Variants in MRPS7 observed in about 807,000 individuals in gnomAD.
MRPS7 encodes small ribosomal subunit protein uS7m.
MRPS7 carries 13 observed loss-of-function variants against 26.2 expected under a neutral mutation model. That is an observed-to-expected ratio of 0.50 (90% CI 0.32 to 0.79). The LOEUF is 0.79. Ranked by LOEUF, MRPS7 falls within the 30% of genes least tolerant of loss-of-function variation. MRPS7 has a pLI of 0.03. For missense variants in MRPS7, 318 were observed against 312.2 expected, an observed-to-expected ratio of 1.02 and a Z score of -0.14; for synonymous variants, 129 against 113.3, an observed-to-expected ratio of 1.14 and a Z score of -0.88.
chr17:75,262,520 G>T lies in MRPS7; in HGVS notation c.107G>T (p.Arg36Leu). 1.2e-6 allele frequency: 2 copies of T among 1,614,026 alleles called. No individual in the cohort carries two copies. The highest frequency in any genetic ancestry group is 8.5e-7 in the Non-Finnish European group (1 of 1,179,970). ...AGGCTAACTCAGGTGAGATGGAGCC[G>T]CTATAGTCCTGAATTCAAGGATCCC... is the stretch of plus-strand genomic sequence containing the variant. ...LPGLTQVRWSRYSPEFKDPLI... is the reference protein window; with the variant it reads ...LPGLTQVRWSLYSPEFKDPLI... Residue 36 changes from arginine to leucine, a missense_variant, in exon 2 of 5, where the codon CGC (arginine) becomes CTC (leucine). Transcript: ENST00000245539.
At chr17:75,265,162 C>T (rs2077464756) in intron 4 of MRPS7, among the ~76,000 whole-genome samples, 2 of 152,044 alleles carry the variant, frequency 1.3e-5, no homozygotes, top group African/African-American at 2.4e-5. Flanking sequence ...CCTCAGCCTC[C>T]CAAGTAGCTG....
intron 1 of MRPS7, 151 bp downstream of exon 1, chr17:75,262,134 C>A (rs1257509174): frequency 1.8e-5 from 17 of 948,454 alleles, no homozygotes; most frequent in South Asian, 3.2e-5. Flanking sequence ...CTGCGCCAAT[C>A]CGAAGGTTTA....
At chr17:75,264,514 T>C (rs1241900894) in intron 4 of MRPS7, 1 of 152,270 alleles carries the variant, frequency 6.6e-6, no homozygotes, top group Non-Finnish European at 1.5e-5. Flanking sequence ...GTTCTCCTTT[T>C]TCAATATCAA....
rs144385641 is a variant in MRPS7 at position 75,265,367 on chromosome 17, G to T, written c.508-335G>T. ...TTTTTTTTTAATATATGGAGACAGG[G>T]TCTTGTTATATTGACGAGGCTGGTC... On this transcript the variant is annotated intron_variant, in intron 4 of 4. Coordinates refer to ENST00000245539, the MANE Select transcript of MRPS7 (RefSeq NM_015971.4). Among the ~76,000 whole-genome samples, 407 of 151,670 alleles carry T rather than the reference G, an allele frequency of 2.7e-3. 3 individuals are homozygous for T. The highest frequency in any genetic ancestry group is 0.016 in the South Asian group (78 of 4,806).
intron 1 of MRPS7, 182 bp from the exon 2 acceptor site, chr17:75,262,315 C>T (rs1331882893): frequency 2.7e-6 from 2 of 740,160 alleles, no homozygotes; most frequent in African/African-American, 1.8e-5. Flanking sequence ...ACTTTACCCG[C>T]CTGCTTGGGG....
intron 3 of MRPS7, 168 bp downstream of exon 3, chr17:75,263,035 C>G: frequency 1.5e-6 from 1 of 678,856 alleles, no homozygotes; most frequent in East Asian, 2.8e-5. Context: ...GAGTCAGCAA[C>G]TGCCATTCCT....
rs1045564385 is a variant in MRPS7, at chr17:75,265,903, G to A, written c.709G>A (p.Ala237Thr). ...HKMAEANRAL[A>T]HYRWW ...GATGGCAGAGGCCAACCGTGCCCTG[G>A]CCCACTACCGCTGGTGGTAGAGTCT... Residue 237 changes from alanine to threonine, a missense_variant, in exon 5 of 5, where the codon GCC (alanine) becomes ACC (threonine). Physicochemically the swap from Ala to Thr is moderately conservative, Grantham distance 58. Coordinates refer to ENST00000245539, the MANE Select transcript of MRPS7 (RefSeq NM_015971.4). 6.2e-7 allele frequency: 1 copy of A among 1,613,740 alleles called. No individual in the cohort carries two copies. Among genetic ancestry groups the A allele is most frequent in the Non-Finnish European group, 8.5e-7 (1 of 1,179,944 alleles).
In MRPS7 at chr17:75,263,402, G is replaced by A; in HGVS notation, c.402G>A (p.Gln134=). ...EKYHAASAEE[Q]ATIERNPYTI... ...ACCATGCCGCTTCTGCAGAGGAACA[G>A]GCAACCATCGAACGCAACCCCTACA... is the stretch of plus-strand genomic sequence containing the variant. The change falls in exon 4 of 5, where the codon CAG becomes CAA. Residue 134 remains glutamine (Q), a synonymous_variant. Transcript: ENST00000245539. The A allele has an allele frequency of 6.2e-7, 1 of 1,614,098 alleles. No individual in the cohort carries two copies. Among genetic ancestry groups the A allele is most frequent in the Non-Finnish European group, 8.5e-7 (1 of 1,180,024 alleles).
rs774900439 is a variant in MRPS7 at position 75,261,959 on chromosome 17, G to A, written c.59G>A (p.Arg20Gln). Residue 20 changes from arginine to glutamine, a missense_variant, in exon 1 of 5, where the codon CGG (arginine) becomes CAG (glutamine). Transcript: ENST00000245539. ...TGGTCGGGCCTGGCGTTGGGCGTGC[G>A]GCGGGCTGTCTTGCAGCTTCCAGGG... ...RGWSGLALGV[R>Q]RAVLQLPGLT... The A allele has an allele frequency of 6.2e-7, 1 of 1,607,288 alleles. No homozygotes were observed. Among genetic ancestry groups the A allele is most frequent in the Admixed American group, 1.7e-5 (1 of 59,956 alleles).
chr17:75,264,545 A>G (rs377012595), intron 4 of MRPS7: 1 of 152,060 alleles, frequency 6.6e-6, no homozygotes, highest in East Asian at 1.9e-4. Context: ...TAGGGACTTC[A>G]TTATTGTCTG....
intron 1 of MRPS7, 106 bp from the exon 2 acceptor site, chr17:75,262,391 G>T: frequency 7.7e-7 from 1 of 1,296,310 alleles, no homozygotes; most frequent in Non-Finnish European, 1.1e-6. Context: ...CGGTCTCCGC[G>T]CCGCTCCCCC....
At chr17:75,263,072 TAAA>T (rs58271821) in intron 3 of MRPS7, 3 of 624,332 alleles carry the variant, frequency 4.8e-6, no homozygotes, top group Non-Finnish European at 8.1e-6. Flanking sequence ...AACACACAAT[TAAA>T]AAAAAAGGAA....
chr17:75,265,316 G>T (rs2077466807), intron 4 of MRPS7, among the ~76,000 whole-genome samples: 1 of 152,076 alleles, frequency 6.6e-6, no homozygotes. Context: ...GGAATTACAG[G>T]CGTGAACCAT....
chr17:75,262,113 G>C (rs1187193675), intron 1 of MRPS7, 130 bp downstream of exon 1: 3 of 1,114,226 alleles, frequency 2.7e-6, no homozygotes, highest in Non-Finnish European at 3.8e-6. Flanking sequence ...TTCTAAGTTA[G>C]CTGCGTGACC....
rs769582282 is a variant in MRPS7 at position 75,262,483 on chromosome 17, TC to T, written c.84-7del. 7 of 1,611,442 alleles carry T rather than the reference TC, an allele frequency of 4.3e-6. No individual in the cohort carries two copies. The South Asian group carries it at 4.4e-5, about 10-fold the overall frequency. ...GTCAGCTTTTGCCTGCCTCCTCCTT[TC>T]CCCCCCTCCCAGGCTAACTCAGGTG... On this transcript the variant is annotated splice_polypyrimidine_tract_variant and intron_variant, in intron 1 of 4. Transcript: ENST00000245539.
intron 4 of MRPS7, chr17:75,264,067 G>A (rs1184398765): frequency 6.6e-6 from 1 of 151,754 alleles, no homozygotes; most frequent in Non-Finnish European, 1.5e-5. Context: ...CCAGCTACTT[G>A]GGAGGCTGAA....
chr17:75,263,539 C>A, intron 4 of MRPS7, 32 bp downstream of exon 4: 1 of 1,612,718 alleles, frequency 6.2e-7, no homozygotes, highest in Non-Finnish European at 8.5e-7. Flanking sequence ...GAAAGCAGGG[C>A]CCTCCACATG....
In MRPS7 at chr17:75,262,048, G is replaced by T; in HGVS notation, c.83+65G>T. The T allele has an allele frequency of 1.9e-6, 3 of 1,565,242 alleles. No homozygotes were observed. The East Asian group carries it at 6.7e-5, about 35-fold the overall frequency. Reference sequence around the variant, plus strand: ...GAAGGAAGGGGGCCACAGGCAGGCCGCGTGGGCCCCTAGAGAGAGCATTGC... The same window carrying T: ...GAAGGAAGGGGGCCACAGGCAGGCCTCGTGGGCCCCTAGAGAGAGCATTGC... On this transcript the variant is annotated intron_variant, in intron 1 of 4. Transcript: ENST00000245539.
chr17:75,261,892 C>A lies in MRPS7; in HGVS notation c.-9C>A, dbSNP rs371395208. On this transcript the variant is annotated 5_prime_UTR_variant, in exon 1 of 5. Coordinates refer to ENST00000245539, the MANE Select transcript of MRPS7 (RefSeq NM_015971.4). ...GGCAGTCCTTGTGGGGTCCTCGTGG[C>A]CAGCCAAGATGGCTGCCCCCGCAGT... The A allele has an allele frequency of 1.9e-5, 30 of 1,607,466 alleles. No homozygotes were observed. The South Asian group carries it at 3.3e-4, about 18-fold the overall frequency.
Sources: allele counts gnomAD v4.1 joint callset (sites outside exome capture counted in the v4.1 genomes callset), GRCh38; gene constraint gnomAD v4.1.1; transcripts MANE v1.5; gene names NCBI Gene and HGNC (gene_info 2026-07-23, HGNC 2026-07-21).